The following MGAT4C variants were observed in gnomAD, a reference collection of about 807,000 sequenced individuals.
MGAT4C encodes alpha-1,3-mannosyl-glycoprotein 4-beta-N-acetylglucosaminyltransferase C.
A neutral mutation model predicts 40.1 loss-of-function variants in MGAT4C; 19 were observed. The ratio of observed to expected loss-of-function variants is 0.47; its 90% CI spans 0.33 to 0.70. MGAT4C has a LOEUF of 0.70. MGAT4C is among the 30% of genes least tolerant of loss of function. The pLI is 0.02. For synonymous variants in MGAT4C, 181 were observed against 187.1 expected (o/e 0.97, Z 0.27); for missense variants, 491 against 563.2 (o/e 0.87, Z 1.30).
At chr12:86,287,273 C>T (rs757813901) in intron 4 of MGAT4C, among the ~76,000 whole-genome samples, 2 of 151,850 alleles carry the variant, frequency 1.3e-5, no homozygotes, top group Non-Finnish European at 2.9e-5. Flanking sequence ...TTTTTTTTAC[C>T]GTTTAATAAT....
chr12:86,301,075 A>C (rs1245460854), intron 4 of MGAT4C, among the ~76,000 whole-genome samples: 1 of 152,166 alleles, frequency 6.6e-6, no homozygotes, highest in Non-Finnish European at 1.5e-5. Context: ...TCTACTTTTC[A>C]ACCCTTTACA....
intron 1 of MGAT4C, among the ~76,000 whole-genome samples, chr12:86,155,669 AACTGGAAAT>A (rs1884846472): frequency 6.6e-6 from 1 of 152,230 alleles, no homozygotes; most frequent in Non-Finnish European, 1.5e-5. Flanking sequence ...CTAGATTGCC[AACTGGAAAT>A]ATCAAATAGG....
intron 2 of MGAT4C, among the ~76,000 whole-genome samples, chr12:86,584,056 C>T (rs577541114): frequency 2.1e-4 from 32 of 150,590 alleles, no homozygotes; most frequent in East Asian, 1.6e-3. Context: ...ATAACAAGGA[C>T]GATATATAAA....
chr12:86,289,929 C>A (rs1953463604), intron 4 of MGAT4C, among the ~76,000 whole-genome samples: 1 of 152,134 alleles, frequency 6.6e-6, no homozygotes, highest in African/African-American at 2.4e-5. Context: ...CTTACAGGCC[C>A]ACCCATAACC....
intron 2 of MGAT4C, among the ~76,000 whole-genome samples, chr12:86,462,966 C>T (rs1957624077): frequency 2.3e-5 from 1 of 42,702 alleles, no homozygotes; most frequent in Non-Finnish European, 4.1e-5. Flanking sequence ...AAGAACAATA[C>T]TTTCCATCCT....
chr12:86,408,451 C>A (rs1592805441), intron 3 of MGAT4C, among the ~76,000 whole-genome samples: 1 of 82,830 alleles, frequency 1.2e-5, no homozygotes, highest in Non-Finnish European at 2.3e-5. Context: ...ATAGTAAACT[C>A]TCTCTCTCTC....
At chr12:86,354,978 C>T (rs562450896) in intron 3 of MGAT4C, among the ~76,000 whole-genome samples, 1 of 152,154 alleles carries the variant, frequency 6.6e-6, no homozygotes, top group Non-Finnish European at 1.5e-5. Context: ...TGGGGGCGGC[C>T]AGCTTTTATT....
At chr12:86,420,221 G>A (rs1204500718) in intron 3 of MGAT4C, among the ~76,000 whole-genome samples, 5 of 151,780 alleles carry the variant, frequency 3.3e-5, no homozygotes, top group Admixed American at 1.3e-4. Context: ...CTCTAAGAAC[G>A]ATTTTTAAAA....
chr12:86,556,623 G>A (rs1022577557), intron 2 of MGAT4C, among the ~76,000 whole-genome samples: 5 of 152,028 alleles, frequency 3.3e-5, no homozygotes, highest in African/African-American at 7.2e-5. Flanking sequence ...TTAAAAAGCC[G>A]TAATGCATGC....
intron 1 of MGAT4C, among the ~76,000 whole-genome samples, chr12:86,195,758 G>A (rs904129543): frequency 6.6e-6 from 1 of 152,004 alleles, no homozygotes; most frequent in African/African-American, 2.4e-5. Flanking sequence ...TGAGGTCCAG[G>A]AGATTATCAG....
At chr12:86,028,306 T>C in intron 2 of MGAT4C, 1 of 513,240 alleles carries the variant, frequency 1.9e-6, no homozygotes, top group Admixed American at 3.2e-5. Flanking sequence ...ACCATGCCCT[T>C]TGTCTGCTGA....
Position 86,066,107 on chromosome 12 carries a change from T to A in MGAT4C, c.-56-16384A>T, listed in dbSNP as rs189786557. On this transcript the variant is annotated intron_variant, in intron 1 of 4. Coordinates refer to ENST00000611864, the MANE Select transcript of MGAT4C (RefSeq NM_001351288.2). The stretch of plus-strand genomic sequence containing the variant: ...ATTCCTTGCTCAGGGAGAGGAAGAA[T>A]CAATATCGTGAAAATGGCCATACTG... Among the ~76,000 whole-genome samples the A allele has an allele frequency of 1.9e-4, 29 of 152,234 alleles. No homozygotes were observed. In the East Asian group the frequency reaches 5.6e-3, roughly 29 times the overall value.
intron 2 of MGAT4C, among the ~76,000 whole-genome samples, chr12:86,516,551 G>A (rs1431815112): frequency 1.3e-5 from 2 of 151,796 alleles, no homozygotes; most frequent in Non-Finnish European, 2.9e-5. Context: ...TCTTGACCTT[G>A]ATTTAAGCAA....
chr12:86,259,690 A>C (rs1319484824), upstream of MGAT4C, among the ~76,000 whole-genome samples: 2 of 150,458 alleles, frequency 1.3e-5, no homozygotes, highest in Non-Finnish European at 3.0e-5. Flanking sequence ...GAGAATATAA[A>C]ATATTTTAAC....
chr12:86,729,653 CA>C lies in MGAT4C; in HGVS notation c.-261-2413del, dbSNP rs199519845. ...TATGCATATATATTAAATATAAAAA[CA>C]AAAAAAACTGTGGAAACAATCATGT... On this transcript the variant is annotated intron_variant, in intron 1 of 7. Coordinates refer to the MGAT4C transcript ENST00000548651. Among the ~76,000 whole-genome samples the C allele has an allele frequency of 5.4e-3, 811 of 151,134 alleles. 3 individuals are homozygous for C. The highest frequency in any genetic ancestry group is 9.0e-3 in the Non-Finnish European group (611 of 67,668).
intron 2 of MGAT4C, among the ~76,000 whole-genome samples, chr12:86,512,611 A>G (rs1958610483): frequency 6.6e-6 from 1 of 152,136 alleles, no homozygotes. Context: ...ATAAAACAAG[A>G]AAATTCTGCA....
intron 2 of MGAT4C, among the ~76,000 whole-genome samples, chr12:86,468,690 T>C (rs1957716528): frequency 6.6e-6 from 1 of 152,126 alleles, no homozygotes; most frequent in South Asian, 2.1e-4. Context: ...TTCCCCTTCC[T>C]CGGTTCTAAC....
At position 86,104,081 on chromosome 12, in the gene MGAT4C, G is replaced by C. The variant is rs186763874; in HGVS notation, c.-56-54358C>G. Among the ~76,000 whole-genome samples the C allele has an allele frequency of 7.2e-4, 109 of 152,016 alleles. 1 individual carries two copies. Among genetic ancestry groups the C allele is most frequent in the South Asian group, 4.1e-4 (2 of 4,824 alleles). On this transcript the variant is annotated intron_variant, in intron 1 of 4. Coordinates refer to ENST00000611864, the MANE Select transcript of MGAT4C (RefSeq NM_001351288.2). ...TGTCTGGGCACTTTATTTTTTATCA[G>C]CTTTATTGGACAAAACAGGAGACAC...
intron 2 of MGAT4C, among the ~76,000 whole-genome samples, chr12:86,598,324 A>G (rs1353097256): frequency 6.6e-6 from 1 of 152,094 alleles, no homozygotes; most frequent in Non-Finnish European, 1.5e-5. Context: ...TATTCCTTTC[A>G]TTGAAAAATA....
Sources: gnomAD v4.1 joint callset for allele counts (sites outside exome capture counted in the v4.1 genomes callset) on GRCh38, gnomAD v4.1.1 for gene constraint, MANE v1.5 for transcripts, NCBI Gene and HGNC (gene_info 2026-07-23, HGNC 2026-07-21) for gene names.